The following MYO16 variants were observed in gnomAD, a reference collection of about 807,000 sequenced individuals.
The protein encoded by MYO16 is myosin XVI, also known as unconventional myosin-XVI.
A neutral mutation model predicts 205.3 loss-of-function variants in MYO16; 94 were observed. The ratio of observed to expected loss-of-function variants is 0.46; its 90% CI spans 0.39 to 0.54. The LOEUF (loss-of-function observed/expected upper bound fraction) is 0.54, where lower values mean the gene tolerates loss of function less well. Among genes scored for constraint, MYO16 ranks in the 20% least tolerant of loss-of-function variants. MYO16 has a pLI of 0.00. For synonymous variants in MYO16, 988 were observed against 954.0 expected, an observed-to-expected ratio of 1.04 and a Z score of -0.66; for missense variants, 2,315 against 2,387.5, an observed-to-expected ratio of 0.97 and a Z score of 0.63.
intron 1 of MYO16, among the ~76,000 whole-genome samples, chr13:108,647,230 C>A (rs1455480365): frequency 6.6e-6 from 1 of 152,094 alleles, no homozygotes; most frequent in Non-Finnish European, 1.5e-5. Context: ...CTATCATTTA[C>A]CCCGGCATTG....
chr13:108,598,603 T>C (rs994050835), intron 1 of MYO16, among the ~76,000 whole-genome samples: 2 of 152,198 alleles, frequency 1.3e-5, no homozygotes, highest in Admixed American at 1.3e-4. Flanking sequence ...GTTCCTGGAC[T>C]TGCTACTTCA....
At chr13:108,881,827 A>G (rs1879632851) in intron 12 of MYO16, among the ~76,000 whole-genome samples, 1 of 152,236 alleles carries the variant, frequency 6.6e-6, no homozygotes, top group South Asian at 2.1e-4. Context: ...TGACTGGTGT[A>G]CCTGAAAGTG....
chr13:108,672,574 CTT>C (rs1014459005), intron 2 of MYO16, among the ~76,000 whole-genome samples: 1 of 151,606 alleles, frequency 6.6e-6, no homozygotes, highest in African/African-American at 2.4e-5. Context: ...AATTTAGTGT[CTT>C]TGATGTTTTT....
At chr13:108,679,723 T>TA (rs1882381056) in intron 2 of MYO16, among the ~76,000 whole-genome samples, 4 of 139,436 alleles carry the variant, frequency 2.9e-5, no homozygotes, top group Non-Finnish European at 6.3e-5. Flanking sequence ...AAAAAAAAAA[T>TA]AATAATAATA....
chr13:108,953,876 C>G (rs544135270), intron 16 of MYO16, among the ~76,000 whole-genome samples: 1 of 151,870 alleles, frequency 6.6e-6, no homozygotes, highest in Non-Finnish European at 1.5e-5. Context: ...TTTTTTTCTT[C>G]GTCTTTATGA....
intron 2 of MYO16, among the ~76,000 whole-genome samples, chr13:108,694,400 C>CAA (rs1488562031): frequency 6.6e-6 from 1 of 152,158 alleles, no homozygotes; most frequent in East Asian, 1.9e-4. Flanking sequence ...TTCTCTCCTG[C>CAA]AATATAAGAA....
intron 4 of MYO16, among the ~76,000 whole-genome samples, chr13:108,739,083 C>G (rs1253362800): frequency 6.6e-6 from 1 of 151,732 alleles, no homozygotes; most frequent in Non-Finnish European, 1.5e-5. Flanking sequence ...GGTCTTGACT[C>G]TATCCAATTT....
intron 16 of MYO16, among the ~76,000 whole-genome samples, chr13:108,927,869 C>T (rs1450431067): frequency 6.6e-6 from 1 of 152,232 alleles, no homozygotes; most frequent in Non-Finnish European, 1.5e-5. Flanking sequence ...GGTCACCGGG[C>T]CAACGCGTGC....
chr13:108,639,134 T>C (rs946951091), intron 1 of MYO16, among the ~76,000 whole-genome samples: 1 of 152,160 alleles, frequency 6.6e-6, no homozygotes, highest in Admixed American at 6.5e-5. Flanking sequence ...AGCTTTGCAT[T>C]TTAGATCTGT....
chr13:109,058,560 G>A (rs931384686), intron 27 of MYO16, among the ~76,000 whole-genome samples: 1 of 152,092 alleles, frequency 6.6e-6, no homozygotes, highest in Non-Finnish European at 1.5e-5. Flanking sequence ...AACACAATAT[G>A]ATACCTTAAT....
At chr13:108,630,077 T>G (rs1879907124) in intron 1 of MYO16, among the ~76,000 whole-genome samples, 1 of 151,158 alleles carries the variant, frequency 6.6e-6, no homozygotes, top group African/African-American at 2.4e-5. Flanking sequence ...ATCCAAATGC[T>G]AATAGCACAG....
intron 33 of MYO16, among the ~76,000 whole-genome samples, chr13:109,172,823 T>C (rs1158578611): frequency 6.0e-5 from 1 of 16,548 alleles, no homozygotes; most frequent in African/African-American, 1.5e-4. Flanking sequence ...AACAATTACA[T>C]GAATGAGGTA....
At chr13:108,904,948 A>G (rs1385556854) in intron 15 of MYO16, among the ~76,000 whole-genome samples, 2 of 152,228 alleles carry the variant, frequency 1.3e-5, no homozygotes, top group African/African-American at 4.8e-5. Flanking sequence ...CTCACCAAAC[A>G]TACGCAGATA....
chr13:109,113,964 T>C (rs1875537969), intron 28 of MYO16, among the ~76,000 whole-genome samples: 1 of 152,166 alleles, frequency 6.6e-6, no homozygotes, highest in African/African-American at 2.4e-5. Flanking sequence ...GGGGATAAGA[T>C]GAGCTCTCAC....
At chr13:108,730,151 G>A (rs1407295672) in intron 4 of MYO16, among the ~76,000 whole-genome samples, 5 of 152,122 alleles carry the variant, frequency 3.3e-5, no homozygotes, top group Non-Finnish European at 5.9e-5. Context: ...ATCCCCACAT[G>A]TCATAAGAGG....
intron 4 of MYO16, among the ~76,000 whole-genome samples, chr13:108,759,416 T>C (rs756658436): frequency 2.6e-5 from 4 of 152,220 alleles, no homozygotes; most frequent in Non-Finnish European, 5.9e-5. Context: ...GTTTGTTAAA[T>C]CATTGGCAAG....
upstream of MYO16, among the ~76,000 whole-genome samples, chr13:108,591,403 A>G (rs145005939): frequency 8.5e-5 from 13 of 152,138 alleles, no homozygotes; most frequent in African/African-American, 2.9e-4. Context: ...CTAGTTGAAA[A>G]TTGAGTTCAA....
intron 16 of MYO16, among the ~76,000 whole-genome samples, chr13:108,922,045 G>A (rs57046055): frequency 0.066 from 10,095 of 152,220 alleles, 1,107 homozygotes; most frequent in African/African-American, 0.23. Flanking sequence ...GGAATAAGTG[G>A]GGTCTGGTCT....
intron 4 of MYO16, among the ~76,000 whole-genome samples, chr13:108,739,741 G>C (rs897338827): frequency 6.6e-6 from 1 of 152,092 alleles, no homozygotes; most frequent in Non-Finnish European, 1.5e-5. Flanking sequence ...TTTCCAACTT[G>C]GTTCCATTCT....
Sources: allele counts gnomAD v4.1 joint callset (sites outside exome capture counted in the v4.1 genomes callset), GRCh38; gene constraint gnomAD v4.1.1; transcripts MANE v1.5; gene names NCBI Gene and HGNC (gene_info 2026-07-23, HGNC 2026-07-21).